MOB3B: variants seen among roughly 807,000 people sequenced by gnomAD.
The protein encoded by MOB3B is MOB kinase activator-like 2B.
A neutral mutation model predicts 18.7 loss-of-function variants in MOB3B; 7 were observed. That is an observed-to-expected ratio of 0.37 (90% confidence interval 0.21 to 0.70). The LOEUF (loss-of-function observed/expected upper bound fraction) is 0.70. Among genes scored for constraint, MOB3B ranks in the 30% least tolerant of loss-of-function variants. MOB3B has a pLI of 0.52. For synonymous variants in MOB3B, 111 were observed against 99.9 expected, an observed-to-expected ratio of 1.11 and a Z score of -0.66; for missense variants, 253 against 281.3, an observed-to-expected ratio of 0.90 and a Z score of 0.72.
intron 3 of MOB3B, among the ~76,000 whole-genome samples, chr9:27,343,478 T>TAAAAAAAAAAAAAAAAAAA (rs779124158): frequency 2.1e-4 from 18 of 84,312 alleles, no homozygotes; most frequent in Admixed American, 6.7e-4. Context: ...CAATAAATAC[T>TAAAAAAAAAAAAAAAAAAA]AAAAAAAAAA....
rs184429442 is a variant in MOB3B, at chr9:27,445,954, C to G, written c.418+9179G>C. 3.4e-4 allele frequency among the ~76,000 whole-genome samples: 52 copies of G among 152,268 alleles called. 1 individual carries two copies. Among genetic ancestry groups the G allele is most frequent in the Non-Finnish European group, 5.7e-4 (39 of 68,028 alleles). On this transcript the variant is annotated intron_variant, in intron 2 of 3. Coordinates refer to ENST00000262244, the MANE Select transcript of MOB3B (RefSeq NM_024761.5). ...TGCTCTCCAGTCCTGACGACCTGGG[C>G]TGGATGATGTAGAAACATCAAAAGC... is the stretch of plus-strand genomic sequence containing the variant.
chr9:27,479,071 G>C (rs897077477), intron 1 of MOB3B, among the ~76,000 whole-genome samples: 3 of 152,022 alleles, frequency 2.0e-5, no homozygotes. Context: ...TCAAAAATGG[G>C]GGTATTTTAA....
intron 1 of MOB3B, among the ~76,000 whole-genome samples, chr9:27,515,064 T>C (rs759273204): frequency 3.3e-5 from 5 of 152,322 alleles, no homozygotes; most frequent in Middle Eastern, 6.8e-3. Context: ...ATAAATACTT[T>C]AACAGATTAT....
At position 27,515,408 on chromosome 9, in the gene MOB3B, G is replaced by C. The variant is rs950468762; in HGVS notation, c.-199+14147C>G. Among the ~76,000 whole-genome samples the C allele has an allele frequency of 3.9e-4, 60 of 152,226 alleles. 1 individual carries two copies. The highest frequency in any genetic ancestry group is 1.4e-3 in the African/African-American group (60 of 41,534). ...ACCTGGGCTGGAATCCTGATTCTGT[G>C]GATTTCTAGCTCTGTGACGTTGGTT... On this transcript the variant is annotated intron_variant, in intron 1 of 3. Coordinates refer to ENST00000262244, the MANE Select transcript of MOB3B (RefSeq NM_024761.5).
chr9:27,398,307 C>G (rs1335766010), intron 2 of MOB3B, among the ~76,000 whole-genome samples: 1 of 152,200 alleles, frequency 6.6e-6, no homozygotes, highest in African/African-American at 2.4e-5. Flanking sequence ...AACATTTGCT[C>G]TGGAGGATTT....
At chr9:27,373,589 AC>A (rs1821451400) in intron 2 of MOB3B, among the ~76,000 whole-genome samples, 1 of 152,190 alleles carries the variant, frequency 6.6e-6, no homozygotes, top group Non-Finnish European at 1.5e-5. Flanking sequence ...CAACTGCAAT[AC>A]TACCTACCTA....
chr9:27,404,231 T>A (rs1821931221), intron 2 of MOB3B, among the ~76,000 whole-genome samples: 1 of 152,116 alleles, frequency 6.6e-6, no homozygotes, highest in Admixed American at 6.6e-5. Flanking sequence ...CTTAACATAA[T>A]TTCCTCCATC....
intron 2 of MOB3B, among the ~76,000 whole-genome samples, chr9:27,385,310 A>G (rs1821637607): frequency 6.6e-6 from 1 of 152,176 alleles, no homozygotes; most frequent in Non-Finnish European, 1.5e-5. Flanking sequence ...CTGATCAACA[A>G]TTTATTGAGC....
At chr9:27,335,470 T>C (rs995814772) in intron 3 of MOB3B, among the ~76,000 whole-genome samples, 21 of 152,344 alleles carry the variant, frequency 1.4e-4, no homozygotes, top group Non-Finnish European at 2.9e-4. Context: ...AGAGCTGGCT[T>C]GATGTGCTGC....
intron 2 of MOB3B, among the ~76,000 whole-genome samples, chr9:27,369,935 C>T (rs929658060): frequency 1.0e-5 from 1 of 98,744 alleles, no homozygotes; most frequent in Non-Finnish European, 1.9e-5. Flanking sequence ...TTTTAATTGT[C>T]CTTTTTTTTT....
At chr9:27,521,689 T>C (rs1221751265) in intron 1 of MOB3B, among the ~76,000 whole-genome samples, 1 of 136,168 alleles carries the variant, frequency 7.3e-6, no homozygotes, top group Non-Finnish European at 1.6e-5. Flanking sequence ...CTTTATAGAA[T>C]GTGTGTGTGT....
intron 2 of MOB3B, among the ~76,000 whole-genome samples, chr9:27,384,623 C>T (rs2131377032): frequency 6.6e-6 from 1 of 152,356 alleles, no homozygotes; most frequent in East Asian, 1.9e-4. Flanking sequence ...ACTCATTCTT[C>T]CACAGAAAAC....
At chr9:27,363,694 G>A (rs1039178787) in intron 2 of MOB3B, among the ~76,000 whole-genome samples, 6 of 151,994 alleles carry the variant, frequency 3.9e-5, no homozygotes, top group Admixed American at 1.3e-4. Flanking sequence ...GCATCCTATA[G>A]GTTCTATGGT....
chr9:27,336,062 C>T (rs996653063), intron 3 of MOB3B, among the ~76,000 whole-genome samples: 6 of 152,176 alleles, frequency 3.9e-5, no homozygotes, highest in South Asian at 2.1e-4. Context: ...TTCATACCTA[C>T]GATGGGGAAG....
chr9:27,439,828 A>G (rs948553814), intron 2 of MOB3B, among the ~76,000 whole-genome samples: 1 of 152,104 alleles, frequency 6.6e-6, no homozygotes, highest in African/African-American at 2.4e-5. Flanking sequence ...AAGACCTACT[A>G]TGGACCTTTA....
At chr9:27,437,383 A>C (rs760949696) in intron 2 of MOB3B, among the ~76,000 whole-genome samples, 3 of 152,192 alleles carry the variant, frequency 2.0e-5, no homozygotes, top group Non-Finnish European at 4.4e-5. Flanking sequence ...TATAATTATA[A>C]AGGTATTCAT....
intron 1 of MOB3B, among the ~76,000 whole-genome samples, chr9:27,508,352 C>T (rs1239683432): frequency 6.6e-6 from 1 of 152,008 alleles, no homozygotes; most frequent in Non-Finnish European, 1.5e-5. Context: ...AAGGGTTGTT[C>T]AGAGTCTTTT....
intron 2 of MOB3B, among the ~76,000 whole-genome samples, chr9:27,401,023 G>C (rs1236111690): frequency 6.6e-6 from 1 of 152,230 alleles, no homozygotes; most frequent in Non-Finnish European, 1.5e-5. Flanking sequence ...CCAGAAACCA[G>C]TTCAAGCTAC....
At chr9:27,492,371 T>A (rs1819831930) in intron 1 of MOB3B, among the ~76,000 whole-genome samples, 1 of 152,102 alleles carries the variant, frequency 6.6e-6, no homozygotes, top group Non-Finnish European at 1.5e-5. Flanking sequence ...ACCCTAAGAA[T>A]AAAGATTTTT....
Sources: allele counts gnomAD v4.1 joint callset (sites outside exome capture counted in the v4.1 genomes callset), GRCh38; gene constraint gnomAD v4.1.1; transcripts MANE v1.5; gene names NCBI Gene and HGNC (gene_info 2026-07-23, HGNC 2026-07-21).